The following UBE2E2 variants were observed in gnomAD, a reference collection of about 807,000 sequenced individuals.
The protein encoded by UBE2E2 is ubiquitin-conjugating enzyme E2 E2.
A neutral mutation model predicts 24.7 loss-of-function variants in UBE2E2; 6 were observed. The ratio of observed to expected loss-of-function variants is 0.24; its 90% CI spans 0.13 to 0.48. UBE2E2 has a LOEUF of 0.48. UBE2E2 is among the 20% of genes least tolerant of loss of function. The pLI is 0.99. For synonymous variants in UBE2E2, 104 were observed against 83.6 expected, an observed-to-expected ratio of 1.24 and a Z score of -1.33; for missense variants, 169 against 245.0, an observed-to-expected ratio of 0.69 and a Z score of 2.07.
intron 3 of UBE2E2, among the ~76,000 whole-genome samples, chr3:23,459,075 T>A (rs1698746007): frequency 6.6e-6 from 1 of 152,252 alleles, no homozygotes; most frequent in Admixed American, 6.5e-5. Flanking sequence ...TTCAATTTTC[T>A]GCCTTAATTA....
intron 3 of UBE2E2, among the ~76,000 whole-genome samples, chr3:23,226,669 TTAG>T (rs1169597292): frequency 6.6e-6 from 1 of 152,122 alleles, no homozygotes; most frequent in Admixed American, 6.6e-5. Flanking sequence ...AGGGGAGAAT[TTAG>T]TATAGTTATT....
chr3:23,437,901 A>G (rs148612946), intron 3 of UBE2E2, among the ~76,000 whole-genome samples: 11 of 152,366 alleles, frequency 7.2e-5, no homozygotes, highest in Middle Eastern at 3.4e-3. Context: ...ATTCCATGAA[A>G]TCAGCAAGTT....
At chr3:23,359,976 A>T in intron 3 of UBE2E2, among the ~76,000 whole-genome samples, 1 of 137,176 alleles carries the variant, frequency 7.3e-6, no homozygotes, top group East Asian at 2.2e-4. Context: ...CTCTCTCTTG[A>T]TGCCCCAGGA....
intron 3 of UBE2E2, among the ~76,000 whole-genome samples, chr3:23,452,015 C>G (rs1214613273): frequency 6.6e-6 from 1 of 152,156 alleles, no homozygotes; most frequent in Non-Finnish European, 1.5e-5. Context: ...TTGTTAAAAT[C>G]TAAATATGGA....
intron 3 of UBE2E2, among the ~76,000 whole-genome samples, chr3:23,370,647 G>C (rs1480652168): frequency 6.6e-6 from 1 of 152,208 alleles, no homozygotes; most frequent in Non-Finnish European, 1.5e-5. Flanking sequence ...GAGAAAAGAA[G>C]GAACTGTGAG....
intron 3 of UBE2E2, among the ~76,000 whole-genome samples, chr3:23,255,152 T>G (rs1697684186): frequency 1.4e-5 from 2 of 143,912 alleles, no homozygotes; most frequent in African/African-American, 2.6e-5. Flanking sequence ...AGTGGCGTGA[T>G]CACAGCTCAC....
At chr3:23,372,673 T>G (rs980988849) in intron 3 of UBE2E2, among the ~76,000 whole-genome samples, 2 of 152,220 alleles carry the variant, frequency 1.3e-5, no homozygotes, top group Non-Finnish European at 2.9e-5. Context: ...GCTTTTCTTT[T>G]TTTTCTTGAA....
intron 3 of UBE2E2, among the ~76,000 whole-genome samples, chr3:23,390,647 A>G (rs1416196280): frequency 2.6e-5 from 4 of 152,188 alleles, no homozygotes; most frequent in Non-Finnish European, 5.9e-5. Context: ...CTGCTAAAAG[A>G]GCATTAATTG....
At position 23,474,052 on chromosome 3, in the gene UBE2E2, A is replaced by G. The variant is rs902001817; in HGVS notation, c.228-25556A>G. ...GAAGTATTCCCTTTTCACCGCATCT[A>G]TGCCAACATATATATATTTTTTTAT... On this transcript the variant is annotated intron_variant, in intron 3 of 5. Coordinates refer to ENST00000396703, the MANE Select transcript of UBE2E2 (RefSeq NM_152653.4). This position sits in a 1 kb window ranked among gnomAD's most constrained non-coding sequence, Gnocchi z 4.0. Among the ~76,000 whole-genome samples the G allele has an allele frequency of 1.3e-5, 2 of 152,044 alleles. No individual in the cohort carries two copies. The highest frequency in any genetic ancestry group is 2.1e-4 in the South Asian group (1 of 4,824).
intron 5 of UBE2E2, among the ~76,000 whole-genome samples, chr3:23,558,663 A>T (rs1322197921): frequency 2.0e-5 from 3 of 152,182 alleles, no homozygotes; most frequent in African/African-American, 7.2e-5. Flanking sequence ...CTTTTTGAAT[A>T]TGGCATTGTT....
intron 3 of UBE2E2, among the ~76,000 whole-genome samples, chr3:23,217,840 C>T (rs1284733147): frequency 6.6e-6 from 1 of 151,910 alleles, no homozygotes; most frequent in African/African-American, 2.4e-5. Flanking sequence ...TGATCATGAC[C>T]TCGAATTTTC....
chr3:23,420,636 T>C (rs937191277), intron 3 of UBE2E2, among the ~76,000 whole-genome samples: 2 of 152,252 alleles, frequency 1.3e-5, no homozygotes, highest in African/African-American at 2.4e-5. Context: ...GACAAGGCTT[T>C]GATTTCTTTA....
At chr3:23,269,985 A>T (rs1049132207) in intron 3 of UBE2E2, among the ~76,000 whole-genome samples, 7 of 152,252 alleles carry the variant, frequency 4.6e-5, no homozygotes, top group African/African-American at 1.7e-4. Context: ...CTTGGTTTAG[A>T]GTCCCTTCTG....
At chr3:23,392,393 C>G (rs1416760288) in intron 3 of UBE2E2, among the ~76,000 whole-genome samples, 3 of 152,044 alleles carry the variant, frequency 2.0e-5, no homozygotes, top group African/African-American at 7.2e-5. Flanking sequence ...TATTTGTAGT[C>G]TGGAAACAAG....
chr3:23,529,131 A>G (rs906435722), intron 4 of UBE2E2, among the ~76,000 whole-genome samples: 1 of 152,242 alleles, frequency 6.6e-6, no homozygotes, highest in Admixed American at 6.5e-5. Context: ...TGTAGTTGCC[A>G]GGAATTGAAG....
At chr3:23,497,887 G>A (rs1249555445) in intron 3 of UBE2E2, among the ~76,000 whole-genome samples, 2 of 152,028 alleles carry the variant, frequency 1.3e-5, no homozygotes, top group Non-Finnish European at 2.9e-5. Context: ...TCATCCGAAG[G>A]AATTACTCAT....
intron 3 of UBE2E2, among the ~76,000 whole-genome samples, chr3:23,446,164 G>A (rs1450702049): frequency 2.0e-5 from 3 of 152,088 alleles, no homozygotes; most frequent in East Asian, 3.9e-4. Context: ...GGATCAAAAC[G>A]GTGTTAAAAG....
At chr3:23,486,582 C>G (rs574788344) in intron 3 of UBE2E2, among the ~76,000 whole-genome samples, 111 of 152,310 alleles carry the variant, frequency 7.3e-4, no homozygotes, top group African/African-American at 2.6e-3. Context: ...GACCCCACCA[C>G]TGCAGGTTTC....
chr3:23,233,475 A>G (rs779905904), intron 3 of UBE2E2, among the ~76,000 whole-genome samples: 1 of 152,180 alleles, frequency 6.6e-6, no homozygotes, highest in Non-Finnish European at 1.5e-5. Context: ...TTGTTGCATT[A>G]ATGTAAAACC....
Sources: allele counts gnomAD v4.1 joint callset (sites outside exome capture counted in the v4.1 genomes callset), GRCh38; gene constraint gnomAD v4.1.1; non-coding constraint Gnocchi (gnomAD v3.1); transcripts MANE v1.5; gene names NCBI Gene and HGNC (gene_info 2026-07-23, HGNC 2026-07-21).